Variants in TDG observed in about 807,000 individuals in gnomAD.
The protein encoded by TDG is thymine DNA glycosylase.
A neutral mutation model predicts 46.1 loss-of-function variants in TDG; 23 were observed. The ratio of observed to expected loss-of-function variants is 0.50; its 90% CI spans 0.36 to 0.71. The LOEUF (loss-of-function observed/expected upper bound fraction) is 0.71, where lower values mean the gene tolerates loss of function less well. Among genes scored for constraint, TDG ranks in the 30% least tolerant of loss-of-function variants. The pLI is 0.00. For synonymous variants in TDG, 115 were observed against 161.3 expected (o/e 0.71, Z 2.18); for missense variants, 304 against 486.7 (o/e 0.62, Z 3.53).
Position 103,982,728 on chromosome 12 carries a change from A to G in TDG, c.479-71A>G. On this transcript the variant is annotated intron_variant, in intron 4 of 9. Coordinates refer to ENST00000392872, the MANE Select transcript of TDG (RefSeq NM_003211.6). ...TGCACTGAGCCATGATCGTGCCACT[A>G]CACTCTAGCCTGGGTGACAGAGCGA... 4.6e-6 allele frequency: 7 copies of G among 1,537,416 alleles called. No homozygotes were observed. In the South Asian group the frequency reaches 4.8e-5, roughly 10 times the overall value.
intron 1 of TDG, among the ~76,000 whole-genome samples, chr12:103,974,299 CAG>C (rs1459791103): frequency 6.6e-6 from 1 of 150,874 alleles, no homozygotes; most frequent in Non-Finnish European, 1.5e-5. Flanking sequence ...GTTATTGAGG[CAG>C]AGTCTCGTTC....
At chr12:103,967,392 C>G (rs182955326) in intron 1 of TDG, among the ~76,000 whole-genome samples, 1 of 151,672 alleles carries the variant, frequency 6.6e-6, no homozygotes, top group Non-Finnish European at 1.5e-5. Flanking sequence ...GAGAGTAGTT[C>G]TCTGTCACCC....
intron 1 of TDG, 126 bp downstream of exon 1, chr12:103,966,186 T>G: frequency 7.8e-7 from 1 of 1,276,126 alleles, no homozygotes; most frequent in Non-Finnish European, 1.0e-6. Flanking sequence ...GGGCCGCGCG[T>G]GCGCACTGTG....
At chr12:103,967,668 G>C (rs562486510) in intron 1 of TDG, among the ~76,000 whole-genome samples, 1 of 152,080 alleles carries the variant, frequency 6.6e-6, no homozygotes, top group Non-Finnish European at 1.5e-5. Context: ...TGTTGGCCAG[G>C]CTGGTCTTGA....
intron 1 of TDG, among the ~76,000 whole-genome samples, chr12:103,973,776 A>G (rs774454539): frequency 3.2e-4 from 48 of 152,198 alleles, no homozygotes; most frequent in Non-Finnish European, 6.2e-4. Context: ...GTGTAGCCTT[A>G]GTTATACTAT....
At chr12:103,980,165 G>A in intron 3 of TDG, 93 bp downstream of exon 3, 2 of 1,552,410 alleles carry the variant, frequency 1.3e-6, no homozygotes, top group Non-Finnish European at 1.8e-6. Flanking sequence ...TTGCTGAAAA[G>A]GACCATTTCT....
chr12:103,987,462 A>G lies in TDG; in HGVS notation c.*372A>G, dbSNP rs1314786094. 2.4e-5 allele frequency: 4 copies of G among 167,438 alleles called. No homozygotes were observed. The highest frequency in any genetic ancestry group is 3.9e-5 in the Non-Finnish European group (3 of 76,426). The allele number at this position is 167,438 out of a possible 1,614,324, so 10.4% of individuals were successfully genotyped here. A position where few individuals can be genotyped will look rare whatever the true frequency, so the allele number is the denominator to read the frequency against. On this transcript the variant is annotated 3_prime_UTR_variant, in exon 10 of 10. Coordinates refer to ENST00000392872, the MANE Select transcript of TDG (RefSeq NM_003211.6). ...CTAGATATACCATTATCCCTTTTAT[A>G]CCTAAGAAGGGCATGCTAATAATTA...
In TDG at chr12:103,966,057, G is replaced by C. The variant is rs754234418; in HGVS notation, c.20G>C (p.Gly7Ala). Residue 7 changes from glycine to alanine, a missense_variant, in exon 1 of 10, where the codon GGC (glycine) becomes GCC (alanine). Coordinates refer to ENST00000392872, the MANE Select transcript of TDG (RefSeq NM_003211.6). ...CGGGGAATGGAAGCGGAGAACGCGG[G>C]CAGGTAATACCGGGGCCAGCGCCGC... is the stretch of plus-strand genomic sequence containing the variant. Reference protein sequence around the residue: MEAENAGSYSLQQAQAF... With the variant: MEAENAASYSLQQAQAF... 1.3e-6 allele frequency: 2 copies of C among 1,592,216 alleles called. No homozygotes were observed.
chr12:103,980,581 T>C (rs1871775555), intron 3 of TDG: 1 of 263,794 alleles, frequency 3.8e-6, no homozygotes, highest in Middle Eastern at 1.3e-3. Flanking sequence ...TGGGCTCAGA[T>C]TGATTGTTCC....
chr12:103,969,051 A>G (rs7300247), intron 1 of TDG, among the ~76,000 whole-genome samples: 2 of 152,186 alleles, frequency 1.3e-5, no homozygotes, highest in Non-Finnish European at 2.9e-5. Context: ...CAAGACCTAT[A>G]CTAGACAGGC....
intron 8 of TDG, among the ~76,000 whole-genome samples, chr12:103,985,266 C>T (rs1188875236): frequency 6.6e-6 from 1 of 151,408 alleles, no homozygotes; most frequent in East Asian, 1.9e-4. Context: ...ATTATATTCG[C>T]AGCCAGAGTG....
chr12:103,980,043 AT>A lies in TDG; in HGVS notation c.383del (p.Leu128Ter). On this transcript the variant is annotated frameshift_variant, in exon 3 of 10. Transcript: ENST00000392872. LOFTEE classifies it high-confidence loss of function. ...AELLTKTLPD[I>X]LTFNLDIVII... is the part of the protein sequence containing the mutation. ...ACTTCTGACCAAGACTCTCCCCGAT[AT>A]TTTGACCTTCAATCTGGACATTGTC... 4 of 1,614,230 alleles carry A rather than the reference AT, an allele frequency of 2.5e-6. No individual in the cohort carries two copies. Among genetic ancestry groups the A allele is most frequent in the Admixed American group, 3.3e-5 (2 of 60,028 alleles).
At chr12:103,981,106 C>T (rs4135099) in intron 4 of TDG, 144 bp downstream of exon 4, 272 of 670,452 alleles carry the variant, frequency 4.1e-4, no homozygotes, top group Admixed American at 8.8e-4. Context: ...TGTGTCTGTA[C>T]GTGAAAATAA....
intron 1 of TDG, among the ~76,000 whole-genome samples, chr12:103,966,504 A>G (rs367658554): frequency 2.6e-5 from 4 of 152,066 alleles, no homozygotes; most frequent in Admixed American, 6.5e-5. Flanking sequence ...CCCCACCCCA[A>G]AGGCCTACTG....
chr12:103,983,561 A>C (rs1246522372), intron 7 of TDG, among the ~76,000 whole-genome samples, 172 bp downstream of exon 7: 1 of 152,242 alleles, frequency 6.6e-6, no homozygotes, highest in Non-Finnish European at 1.5e-5. Context: ...TAATTCAAAT[A>C]CTATTAGGGT....
intron 2 of TDG, among the ~76,000 whole-genome samples, 194 bp from the exon 3 acceptor site, chr12:103,979,637 T>TG (rs1199611265): frequency 1.3e-5 from 2 of 152,132 alleles, no homozygotes; most frequent in Non-Finnish European, 2.9e-5. Flanking sequence ...GAGAGTGGCA[T>TG]GGGGGGTTGC....
At chr12:103,982,727 T>C (rs1871905113) in intron 4 of TDG, 72 bp from the exon 5 acceptor site, 1 of 1,539,582 alleles carries the variant, frequency 6.5e-7, no homozygotes, top group Non-Finnish European at 8.9e-7. Context: ...ATCGTGCCAC[T>C]ACACTCTAGC....
intron 5 of TDG, 99 bp from the exon 6 acceptor site, chr12:103,983,036 CA>C: frequency 6.4e-7 from 1 of 1,566,302 alleles, no homozygotes; most frequent in East Asian, 2.3e-5. Flanking sequence ...CTGAGCTCAA[CA>C]AATGTACAAT....
At chr12:103,982,146 C>G (rs1721183141) in intron 4 of TDG, among the ~76,000 whole-genome samples, 1 of 152,190 alleles carries the variant, frequency 6.6e-6, no homozygotes, top group African/African-American at 2.4e-5. Context: ...AGTATACGCT[C>G]AGGAAATTGA....
Sources: gnomAD v4.1 joint callset for allele counts (sites outside exome capture counted in the v4.1 genomes callset) on GRCh38, gnomAD v4.1.1 for gene constraint, MANE v1.5 for transcripts, NCBI Gene and HGNC (gene_info 2026-07-23, HGNC 2026-07-21) for gene names.